The following MOK variants were observed in gnomAD, a reference collection of about 807,000 sequenced individuals.
MOK encodes MAPK/MAK/MRK overlapping kinase.
MOK carries 59 observed loss-of-function variants against 54.2 expected under a neutral mutation model. The observed-to-expected ratio is 1.09, with a 90% CI of 0.88 to 1.35. The LOEUF is 1.35. Ranked by LOEUF, MOK falls within the 40% of genes most tolerant of loss-of-function variation. The pLI is 0.00. For missense variants in MOK, 517 were observed against 526.2 expected (o/e 0.98, Z 0.17); for synonymous variants, 210 against 202.7 (o/e 1.04, Z -0.31).
At chr14:102,246,739 G>A (rs1240411157) in intron 7 of MOK, among the ~76,000 whole-genome samples, 2 of 152,178 alleles carry the variant, frequency 1.3e-5, no homozygotes, top group African/African-American at 2.4e-5. Flanking sequence ...GCCTACTTAC[G>A]CAACCTGGCC....
the MOK span, among the ~76,000 whole-genome samples, chr14:102,218,040 C>T: frequency 1.3e-5 from 2 of 152,208 alleles, no homozygotes; most frequent in African/African-American, 4.8e-5. Context: ...GGCCAGCTGG[C>T]ACCAAGCTCC....
downstream of MOK, among the ~76,000 whole-genome samples, chr14:102,221,693 G>C (rs1162349883): frequency 6.6e-6 from 1 of 152,224 alleles, no homozygotes; most frequent in Non-Finnish European, 1.5e-5. The surrounding 1 kb of genome is among the most constrained non-coding windows in gnomAD (Gnocchi z 4.8). Context: ...GAGCGGGACA[G>C]CTTGCTTCCA....
At chr14:102,256,847 G>A (rs2067002176) in intron 4 of MOK, among the ~76,000 whole-genome samples, 1 of 152,112 alleles carries the variant, frequency 6.6e-6, no homozygotes, top group Admixed American at 6.6e-5. Flanking sequence ...TCCAAGACAG[G>A]CTTTCCTACT....
chr14:102,291,812 T>G lies in MOK; in HGVS notation c.8-8220A>C, dbSNP rs76048301. Among the ~76,000 whole-genome samples, 6 of 151,704 alleles carry G rather than the reference T, an allele frequency of 4.0e-5. No individual in the cohort carries two copies. In the East Asian group the frequency reaches 9.8e-4, roughly 25 times the overall value. On this transcript the variant is annotated intron_variant, in intron 1 of 11. Coordinates refer to ENST00000361847, the MANE Select transcript of MOK (RefSeq NM_014226.3). ...TCTCTACTAAAAATACAAAAAATTT[T>G]CCAGGCATGGTGGCCTGTGCCTGTA...
intron 1 of MOK, among the ~76,000 whole-genome samples, chr14:102,284,022 G>A (rs1051927063): frequency 2.7e-4 from 41 of 152,208 alleles, no homozygotes; most frequent in Non-Finnish European, 5.6e-4. Flanking sequence ...CAGCTGATCC[G>A]CAACAGTTTC....
At chr14:102,300,297 C>A (rs532748569) in intron 1 of MOK, among the ~76,000 whole-genome samples, 6 of 139,270 alleles carry the variant, frequency 4.3e-5, no homozygotes, top group Non-Finnish European at 9.1e-5. Context: ...GGACTCCAGC[C>A]TAGGCAACAG....
At chr14:102,251,653 C>T (rs772735502) in intron 6 of MOK, 103 bp downstream of exon 6, 46 of 898,508 alleles carry the variant, frequency 5.1e-5, no homozygotes, top group Middle Eastern at 2.1e-4. Context: ...GCTGTCTAGC[C>T]GCATGGACTG....
chr14:102,251,157 G>A (rs965519550), intron 6 of MOK, among the ~76,000 whole-genome samples, 167 bp from the exon 7 acceptor site: 24 of 152,352 alleles, frequency 1.6e-4, no homozygotes, highest in African/African-American at 5.3e-4. Context: ...TCCAGCAGAT[G>A]AGGAAGTGAT....
chr14:102,286,087 C>T (rs2070028741), intron 1 of MOK, among the ~76,000 whole-genome samples: 1 of 150,678 alleles, frequency 6.6e-6, no homozygotes, highest in Non-Finnish European at 1.5e-5. Context: ...ATCACGAGGT[C>T]AGAAGATCGA....
At chr14:102,273,532 C>T (rs971263210) in intron 2 of MOK, among the ~76,000 whole-genome samples, 1 of 152,188 alleles carries the variant, frequency 6.6e-6, no homozygotes, top group Admixed American at 6.6e-5. Flanking sequence ...AATCTGAGCA[C>T]TTTGCGAGGC....
rs1160269872 is a variant in MOK, at chr14:102,229,129, G to C, written c.*160C>G. On this transcript the variant is annotated 3_prime_UTR_variant, in exon 12 of 12. Coordinates refer to ENST00000361847, the MANE Select transcript of MOK (RefSeq NM_014226.3). ...CATCCTAGGCAGCTGCGCGGGCCGC[G>C]GGTGCGGCAGGGCGCAGGGCAGCAC... 8 of 688,634 alleles carry C rather than the reference G, an allele frequency of 1.2e-5. No homozygotes were observed. The East Asian group carries it at 1.7e-4, about 14-fold the overall frequency. The allele number at this position is 688,634 out of a possible 1,614,324, so 42.7% of individuals were successfully genotyped here.
chr14:102,296,589 G>C (rs2071441418), intron 1 of MOK, among the ~76,000 whole-genome samples: 2 of 152,076 alleles, frequency 1.3e-5, no homozygotes, highest in East Asian at 1.9e-4. Context: ...ACCTCATTTT[G>C]TTTTTATTTC....
chr14:102,284,577 T>G (rs1264980105), intron 1 of MOK, among the ~76,000 whole-genome samples: 2 of 152,148 alleles, frequency 1.3e-5, no homozygotes, highest in African/African-American at 4.8e-5. Flanking sequence ...TGTAAAAGTT[T>G]CTACAGCCCA....
intron 4 of MOK, among the ~76,000 whole-genome samples, chr14:102,263,320 C>T (rs2067626812): frequency 6.6e-6 from 1 of 152,260 alleles, no homozygotes; most frequent in South Asian, 2.1e-4. Flanking sequence ...TCCCCCAGAT[C>T]ACATGGGCAC....
At position 102,279,284 on chromosome 14, in the gene MOK, C is replaced by CGTTGTTGTTGTTGTT. The variant is rs71116892; in HGVS notation, c.122+4179_122+4193dup. On this transcript the variant is annotated intron_variant, in intron 2 of 11. Transcript: ENST00000361847. ...TAGACTAAAAGCATAGCAAGAGAAC[C>CGTTGTTGTTGTTGTT]GTTGTTGTTGTTGTTGTTGTTGTTG... is the stretch of plus-strand genomic sequence containing the variant. Among the ~76,000 whole-genome samples the CGTTGTTGTTGTTGTT allele has an allele frequency of 5.1e-3, 777 of 150,910 alleles. 8 individuals carry two copies. Among genetic ancestry groups the CGTTGTTGTTGTTGTT allele is most frequent in the African/African-American group, 0.018 (746 of 40,900 alleles).
chr14:102,260,121 A>C (rs2067265432), intron 4 of MOK, among the ~76,000 whole-genome samples: 1 of 151,062 alleles, frequency 6.6e-6, no homozygotes, highest in Non-Finnish European at 1.5e-5. Context: ...GGTTGTGGTG[A>C]GCCGAGATCA....
At chr14:102,256,724 TAAA>T (rs11298006) in intron 4 of MOK, among the ~76,000 whole-genome samples, 3 of 135,798 alleles carry the variant, frequency 2.2e-5, no homozygotes, top group African/African-American at 2.6e-5. Flanking sequence ...TTGAAACAGT[TAAA>T]AAAAAAAAAA....
At chr14:102,252,684 A>G (rs941353018) in intron 4 of MOK, among the ~76,000 whole-genome samples, 2 of 152,178 alleles carry the variant, frequency 1.3e-5, no homozygotes, top group African/African-American at 2.4e-5. Flanking sequence ...CAAGTTTTCT[A>G]TGGAGTGAAT....
chr14:102,229,502 T>A lies in MOK; in HGVS notation c.1137A>T (p.Arg379Ser), dbSNP rs756400941. The change falls in exon 11 of 12, where the codon AGA becomes AGT. Residue 379 changes from arginine to serine, a missense_variant. Physicochemically the swap from Arg to Ser is moderately radical, Grantham distance 110. Coordinates refer to ENST00000361847, the MANE Select transcript of MOK (RefSeq NM_014226.3). ...QSVLGSGTNGRVPVLRPLKCI... is the reference protein window; with the variant it reads ...QSVLGSGTNGSVPVLRPLKCI... Reference sequence around the variant, plus strand: ...ACTTCAAGGGTCTCAGCACCGGCACTCTTCCATTTGTTCCAGATCCAAGCA... The same window carrying A: ...ACTTCAAGGGTCTCAGCACCGGCACACTTCCATTTGTTCCAGATCCAAGCA... 2.2e-5 allele frequency: 35 copies of A among 1,614,040 alleles called. No homozygotes were observed. The highest frequency in any genetic ancestry group is 3.0e-5 in the Non-Finnish European group (35 of 1,180,052).
Sources: allele counts gnomAD v4.1 joint callset (sites outside exome capture counted in the v4.1 genomes callset), GRCh38; gene constraint gnomAD v4.1.1; non-coding constraint Gnocchi (gnomAD v3.1); transcripts MANE v1.5; gene names NCBI Gene and HGNC (gene_info 2026-07-23, HGNC 2026-07-21).